FUT8: variants seen among roughly 807,000 people sequenced by gnomAD.
FUT8 encodes the protein fucosyltransferase 8.
FUT8 carries 29 observed loss-of-function variants against 71.3 expected under a neutral mutation model. The observed-to-expected ratio is 0.41, with a 90% confidence interval of 0.30 to 0.55. The LOEUF (loss-of-function observed/expected upper bound fraction) is 0.55, where lower values mean the gene tolerates loss of function less well. Among genes scored for constraint, FUT8 ranks in the 20% least tolerant of loss-of-function variants. FUT8 has a pLI of 0.34. For synonymous variants in FUT8, 254 were observed against 239.3 expected, an observed-to-expected ratio of 1.06 and a Z score of -0.57; for missense variants, 544 against 702.1, an observed-to-expected ratio of 0.77 and a Z score of 2.55.
Position 65,643,393 on chromosome 14 carries a change from G to A in FUT8, c.597+13787G>A, listed in dbSNP as rs1206185506. On this transcript the variant is annotated intron_variant, in intron 6 of 10. Coordinates refer to ENST00000673929, the MANE Select transcript of FUT8 (RefSeq NM_001371533.1). This position sits in a 1 kb window ranked among gnomAD's most constrained non-coding sequence, Gnocchi z 4.5. The stretch of plus-strand genomic sequence containing the variant: ...ATTCTGGCCCAGCGTGGTGGCTCAC[G>A]CCTGTAATCCCAGCACTTTGGGAGG... 3.3e-5 allele frequency among the ~76,000 whole-genome samples: 5 copies of A among 152,046 alleles called. No homozygotes were observed. The highest frequency in any genetic ancestry group is 1.5e-5 in the Non-Finnish European group (1 of 68,006).
chr14:65,474,455 A>AAAAAAAAAAAAAAAAAAAAAAAAAAC (rs1471830754), intron 2 of FUT8, among the ~76,000 whole-genome samples: 1 of 147,700 alleles, frequency 6.8e-6, no homozygotes, highest in East Asian at 2.0e-4. Flanking sequence ...AAAAAAAAAA[A>AAAAAAAAAAAAAAAAAAAAAAAAAAC]AAGCCAGGCG....
chr14:65,560,297 T>C (rs1476721197), intron 2 of FUT8, among the ~76,000 whole-genome samples: 2 of 152,160 alleles, frequency 1.3e-5, no homozygotes, highest in African/African-American at 4.8e-5. Flanking sequence ...TCTAGACATA[T>C]GATTTCTCTT....
At chr14:65,685,929 T>C (rs1893267523) in intron 7 of FUT8, among the ~76,000 whole-genome samples, 2 of 152,236 alleles carry the variant, frequency 1.3e-5, no homozygotes, top group Non-Finnish European at 2.9e-5. Context: ...AGTTGTTTTA[T>C]CAGCAAGACC....
chr14:65,437,409 G>A (rs2065578078), intron 1 of FUT8, among the ~76,000 whole-genome samples: 1 of 152,104 alleles, frequency 6.6e-6, no homozygotes, highest in South Asian at 2.1e-4. Flanking sequence ...TATTTAATAG[G>A]GAGAGAATAG....
At chr14:65,538,288 T>C (rs1884463594) in intron 2 of FUT8, among the ~76,000 whole-genome samples, 1 of 152,168 alleles carries the variant, frequency 6.6e-6, no homozygotes, top group Non-Finnish European at 1.5e-5. Flanking sequence ...AGTGGGTCGC[T>C]CCTTGCCTGT....
intron 3 of FUT8, among the ~76,000 whole-genome samples, chr14:65,587,347 A>C (rs980209128): frequency 2.0e-5 from 3 of 152,218 alleles, no homozygotes; most frequent in African/African-American, 7.2e-5. Flanking sequence ...GATATGACTT[A>C]AGTCAAATAT....
intron 1 of FUT8, among the ~76,000 whole-genome samples, chr14:65,416,340 A>G (rs1389765411): frequency 3.3e-5 from 5 of 149,560 alleles, no homozygotes; most frequent in Non-Finnish European, 7.4e-5. Flanking sequence ...CCCCAAAGAG[A>G]TGTGATCTTG....
intron 3 of FUT8, among the ~76,000 whole-genome samples, chr14:65,590,745 A>G (rs1411001669): frequency 6.6e-6 from 1 of 152,192 alleles, no homozygotes; most frequent in Non-Finnish European, 1.5e-5. Flanking sequence ...TTGTTTTTCT[A>G]GTCTCCTGGT....
intron 1 of FUT8, among the ~76,000 whole-genome samples, chr14:65,423,521 C>T (rs1351019382): frequency 2.0e-5 from 3 of 152,128 alleles, no homozygotes; most frequent in African/African-American, 4.8e-5. Context: ...CTCGGCCTCC[C>T]AAAGTGCTGG....
chr14:65,442,535 A>ATACG (rs1474132797), intron 1 of FUT8, among the ~76,000 whole-genome samples: 1 of 151,600 alleles, frequency 6.6e-6, no homozygotes, highest in Non-Finnish European at 1.5e-5. Flanking sequence ...ACATACATAC[A>ATACG]TACATACATA....
chr14:65,414,245 A>T, intron 1 of FUT8, among the ~76,000 whole-genome samples: 1 of 152,268 alleles, frequency 6.6e-6, no homozygotes, highest in East Asian at 1.9e-4. Context: ...GCTTGCCTCT[A>T]TGAAAACTGT....
intron 2 of FUT8, among the ~76,000 whole-genome samples, chr14:65,486,510 A>G (rs2066411236): frequency 6.6e-6 from 1 of 152,228 alleles, no homozygotes; most frequent in South Asian, 2.1e-4. Context: ...TACATGAAGA[A>G]GTCTTTAAGT....
rs994974212 is a variant in FUT8, at chr14:65,489,815, G to A, written c.-228+34097G>A. Reference sequence around the variant, plus strand: ...TGTTTCATAGTAAAACAGATGGCATGGCAAGGGAGAAGAAACTTACATGCA... The same window carrying A: ...TGTTTCATAGTAAAACAGATGGCATAGCAAGGGAGAAGAAACTTACATGCA... On this transcript the variant is annotated intron_variant, in intron 2 of 10. Coordinates refer to ENST00000673929, the MANE Select transcript of FUT8 (RefSeq NM_001371533.1). The surrounding 1 kb of genome is among the most constrained non-coding windows in gnomAD (Gnocchi z 4.0). Among the ~76,000 whole-genome samples, 1 of 152,016 alleles carries A rather than the reference G, an allele frequency of 6.6e-6. No individual in the cohort carries two copies. The highest frequency in any genetic ancestry group is 2.4e-5 in the African/African-American group (1 of 41,412).
At chr14:65,513,981 T>C (rs1332057766) in intron 2 of FUT8, among the ~76,000 whole-genome samples, 2 of 152,244 alleles carry the variant, frequency 1.3e-5, no homozygotes, top group African/African-American at 4.8e-5. Context: ...GGCACAATTT[T>C]AGCATTAAAA....
intron 3 of FUT8, among the ~76,000 whole-genome samples, chr14:65,598,425 A>G (rs1265156682): frequency 2.6e-5 from 4 of 151,966 alleles, no homozygotes; most frequent in African/African-American, 9.7e-5. Flanking sequence ...GTTTCGCCAT[A>G]TTGGCCAGGC....
At chr14:65,453,404 A>G (rs1453870227) in intron 1 of FUT8, among the ~76,000 whole-genome samples, 1 of 152,194 alleles carries the variant, frequency 6.6e-6, no homozygotes, top group Admixed American at 6.5e-5. Context: ...AAGTGTAACC[A>G]CTTAATTTAA....
At chr14:65,586,756 C>T (rs548547127) in intron 3 of FUT8, among the ~76,000 whole-genome samples, 1 of 152,148 alleles carries the variant, frequency 6.6e-6, no homozygotes, top group Non-Finnish European at 1.5e-5. Flanking sequence ...ATTTGTGCTT[C>T]TATCAAATAA....
At chr14:65,633,036 C>A (rs1187930848) in intron 6 of FUT8, among the ~76,000 whole-genome samples, 3 of 148,436 alleles carry the variant, frequency 2.0e-5, no homozygotes, top group Non-Finnish European at 4.5e-5. Context: ...GTCTCCCTCT[C>A]CCTCTCTTTC....
In FUT8 at chr14:65,561,461, A is replaced by G. The variant is rs1885909175; in HGVS notation, c.-103A>G. ...TTTGTCTGAAGCATCATGTGTTGAA[A>G]CAACAGAAGTCTATTCACCTGTGCA... On this transcript the variant is annotated 5_prime_UTR_variant, in exon 3 of 11. Transcript: ENST00000673929. 5 of 1,042,712 alleles carry G rather than the reference A, an allele frequency of 4.8e-6. No individual in the cohort carries two copies. In the South Asian group the frequency reaches 7.3e-5, roughly 15 times the overall value. 64.6% of individuals were successfully genotyped at this position (1,042,712 alleles called of 1,614,324 possible).
Sources: allele counts gnomAD v4.1 joint callset (sites outside exome capture counted in the v4.1 genomes callset), GRCh38; gene constraint gnomAD v4.1.1; non-coding constraint Gnocchi (gnomAD v3.1); transcripts MANE v1.5; gene names NCBI Gene and HGNC (gene_info 2026-07-23, HGNC 2026-07-21).